DCC: variants seen among roughly 807,000 people sequenced by gnomAD.
DCC encodes netrin receptor DCC.
Under a neutral mutation model 172.5 loss-of-function variants are expected in DCC, and 58 were observed. The observed-to-expected ratio is 0.34, with a 90% confidence interval of 0.27 to 0.42. The LOEUF (loss-of-function observed/expected upper bound fraction) is 0.42, where lower values mean the gene tolerates loss of function less well. Among genes scored for constraint, DCC ranks in the 10% least tolerant of loss-of-function variants. DCC has a pLI of 1.00. For synonymous variants in DCC, 709 were observed against 644.5 expected (o/e 1.10, Z -1.52); for missense variants, 1,740 against 1,791.0 (o/e 0.97, Z 0.51).
At chr18:53,036,743 C>T (rs944228140) in intron 5 of DCC, among the ~76,000 whole-genome samples, 1 of 151,892 alleles carries the variant, frequency 6.6e-6, no homozygotes, top group African/African-American at 2.4e-5. Flanking sequence ...GTGGAGAAGG[C>T]AAATGAGAAA....
At chr18:52,353,096 TG>T (rs1463848981) in intron 1 of DCC, among the ~76,000 whole-genome samples, 5 of 152,222 alleles carry the variant, frequency 3.3e-5, no homozygotes, top group African/African-American at 1.2e-4. Context: ...TTGCATGCTT[TG>T]GCTTCAGGAG....
chr18:53,392,230 T>C (rs1235882284), intron 17 of DCC, among the ~76,000 whole-genome samples: 4 of 152,072 alleles, frequency 2.6e-5, no homozygotes, highest in Admixed American at 2.0e-4. Flanking sequence ...GGTATCTTTT[T>C]TTTTTTTCCA....
At chr18:52,788,479 T>A (rs1049065907) in intron 2 of DCC, among the ~76,000 whole-genome samples, 2 of 152,200 alleles carry the variant, frequency 1.3e-5, no homozygotes, top group Non-Finnish European at 2.9e-5. Flanking sequence ...CTAAGTGGTA[T>A]GATTAAGACC....
At chr18:53,020,880 G>T (rs1322153907) in intron 5 of DCC, among the ~76,000 whole-genome samples, 4 of 152,036 alleles carry the variant, frequency 2.6e-5, no homozygotes, top group Non-Finnish European at 5.9e-5. Context: ...GCGGATTAAT[G>T]GTAGTTCCAA....
intron 12 of DCC, among the ~76,000 whole-genome samples, chr18:53,262,783 C>G (rs1024778494): frequency 1.3e-5 from 2 of 152,160 alleles, no homozygotes; most frequent in African/African-American, 4.8e-5. Context: ...GGCAAATAAT[C>G]ACAAGCATCT....
At chr18:52,666,928 A>G (rs1027790229) in intron 1 of DCC, among the ~76,000 whole-genome samples, 1 of 152,158 alleles carries the variant, frequency 6.6e-6, no homozygotes, top group Non-Finnish European at 1.5e-5. Flanking sequence ...TATCTCATAT[A>G]ATTGTATATA....
chr18:52,387,880 A>G (rs1008974168), intron 1 of DCC, among the ~76,000 whole-genome samples: 4 of 152,028 alleles, frequency 2.6e-5, no homozygotes, highest in Admixed American at 1.3e-4. Context: ...TAAAAGTTTA[A>G]CCAATATCTA....
chr18:53,369,944 C>A (rs535993882), intron 15 of DCC, among the ~76,000 whole-genome samples: 1 of 151,738 alleles, frequency 6.6e-6, no homozygotes, highest in East Asian at 1.9e-4. Context: ...CTATGTCTGA[C>A]TTTGGTAATA....
intron 1 of DCC, among the ~76,000 whole-genome samples, chr18:52,366,609 C>T (rs1050262147): frequency 1.6e-4 from 25 of 151,732 alleles, no homozygotes; most frequent in Non-Finnish European, 2.5e-4. Context: ...TCGATTGGTG[C>T]GCTCAGAAAC....
At chr18:52,566,020 T>C (rs1220008733) in intron 1 of DCC, among the ~76,000 whole-genome samples, 1 of 152,116 alleles carries the variant, frequency 6.6e-6, no homozygotes, top group Non-Finnish European at 1.5e-5. Flanking sequence ...TTGTATAAGG[T>C]ATAAGGGAAG....
chr18:52,936,456 C>T (rs549144490), intron 5 of DCC, among the ~76,000 whole-genome samples: 1 of 121,634 alleles, frequency 8.2e-6, no homozygotes, highest in African/African-American at 2.9e-5. Flanking sequence ...CCCTCCCTTT[C>T]CTTTCTCCCT....
chr18:53,497,730 C>T (rs1568169175), intron 26 of DCC, among the ~76,000 whole-genome samples: 1 of 152,206 alleles, frequency 6.6e-6, no homozygotes. Context: ...TAAAGCCTCG[C>T]ATCTGAAAGC....
At chr18:53,103,387 T>C (rs963827867) in intron 7 of DCC, among the ~76,000 whole-genome samples, 1 of 151,948 alleles carries the variant, frequency 6.6e-6, no homozygotes, top group Non-Finnish European at 1.5e-5. Flanking sequence ...TGTTTTTAAT[T>C]TTAAGTTTTA....
At chr18:52,613,124 G>A (rs2034306010) in intron 1 of DCC, among the ~76,000 whole-genome samples, 1 of 152,196 alleles carries the variant, frequency 6.6e-6, no homozygotes. Flanking sequence ...TGATAGGGAT[G>A]CTTCATTTGC....
intron 1 of DCC, among the ~76,000 whole-genome samples, chr18:52,643,762 A>G (rs1215746896): frequency 6.6e-6 from 1 of 152,196 alleles, no homozygotes; most frequent in African/African-American, 2.4e-5. Context: ...GAGGCAGAAA[A>G]ACAAATGGGG....
chr18:52,865,464 A>G (rs1301930442), intron 2 of DCC, among the ~76,000 whole-genome samples: 1 of 152,134 alleles, frequency 6.6e-6, no homozygotes, highest in Non-Finnish European at 1.5e-5. Flanking sequence ...CAATAGTGTA[A>G]AAGTGTTCCT....
In DCC at chr18:52,587,971, A is replaced by G. The variant is rs144686218; in HGVS notation, c.92-164083A>G. ...GAACTGCTCGAACCCGATTATGTAT[A>G]TACTACATCCATTTGTGATGGAATG... On this transcript the variant is annotated intron_variant, in intron 1 of 28. Coordinates refer to ENST00000442544, the MANE Select transcript of DCC (RefSeq NM_005215.4). Among the ~76,000 whole-genome samples, 384 of 152,306 alleles carry G rather than the reference A, an allele frequency of 2.5e-3. 4 individuals are homozygous for G. Among genetic ancestry groups the G allele is most frequent in the South Asian group, 0.02 (96 of 4,830 alleles).
intron 15 of DCC, among the ~76,000 whole-genome samples, chr18:53,347,654 T>C (rs1481814645): frequency 6.6e-6 from 1 of 152,176 alleles, no homozygotes; most frequent in African/African-American, 2.4e-5. Flanking sequence ...TTCATGCTGC[T>C]AATAAAGACA....
rs568981907 is a variant in DCC, at chr18:52,785,289, A to G, written c.412+32915A>G. On this transcript the variant is annotated intron_variant, in intron 2 of 28. Transcript: ENST00000442544. ...AGTTACTGCTGGCATTCACCTGTGC[A>G]AGCTCCCAGTTTGCTTGTCTGTCTG... Among the ~76,000 whole-genome samples the G allele has an allele frequency of 2.2e-4, 33 of 152,154 alleles. 1 individual carries two copies. The South Asian group carries it at 6.0e-3, about 28-fold the overall frequency.
Sources: allele counts gnomAD v4.1 joint callset (sites outside exome capture counted in the v4.1 genomes callset), GRCh38; gene constraint gnomAD v4.1.1; transcripts MANE v1.5; gene names NCBI Gene and HGNC (gene_info 2026-07-23, HGNC 2026-07-21).